The following SLC8A1 variants were observed in gnomAD, a reference collection of about 807,000 sequenced individuals.
The protein encoded by SLC8A1 is sodium/calcium exchanger 1.
SLC8A1 carries 18 observed loss-of-function variants against 68.3 expected under a neutral mutation model. The ratio of observed to expected loss-of-function variants is 0.26; its 90% CI spans 0.18 to 0.39. SLC8A1 has a LOEUF of 0.39. SLC8A1 is among the 10% of genes least tolerant of loss of function. SLC8A1 has a pLI of 1.00. For synonymous variants in SLC8A1, 475 were observed against 415.5 expected (o/e 1.14, Z -1.74); for missense variants, 985 against 1,156.7 (o/e 0.85, Z 2.15).
chr2:40,284,175 CTATAGA>C (rs1275079105), intron 2 of SLC8A1, among the ~76,000 whole-genome samples: 1 of 151,622 alleles, frequency 6.6e-6, no homozygotes. Context: ...ATATCTGTAT[CTATAGA>C]TATAGCTATC....
intron 2 of SLC8A1, among the ~76,000 whole-genome samples, chr2:40,413,185 T>A (rs185245062): frequency 6.6e-6 from 1 of 152,184 alleles, no homozygotes; most frequent in African/African-American, 2.4e-5. Context: ...ATTGTGGAAG[T>A]CGGTGTGGCG....
At chr2:40,371,126 T>G (rs147093514) in intron 2 of SLC8A1, among the ~76,000 whole-genome samples, 1 of 152,194 alleles carries the variant, frequency 6.6e-6, no homozygotes, top group Non-Finnish European at 1.5e-5. Context: ...GATTTCTTAG[T>G]ATGATATTGG....
At chr2:40,428,965 G>C (rs774087244) in exon 2 of SLC8A1, 5 of 1,613,830 alleles carry the variant, frequency 3.1e-6, no homozygotes, top group Non-Finnish European at 4.2e-6. Context: ...AACAAACACA[G>C]TGTTAGTCAA....
chr2:40,447,523 T>C (rs556047909), intron 1 of SLC8A1, among the ~76,000 whole-genome samples: 9 of 151,486 alleles, frequency 5.9e-5, no homozygotes, highest in African/African-American at 2.2e-4. Flanking sequence ...ACATTCTCTG[T>C]ATTTTCCTGT....
At chr2:40,155,562 C>G (rs1415738369) in intron 6 of SLC8A1, among the ~76,000 whole-genome samples, 1 of 152,172 alleles carries the variant, frequency 6.6e-6, no homozygotes, top group South Asian at 2.1e-4. Flanking sequence ...CCTGCTTAGA[C>G]CAGATTTCAC....
intron 2 of SLC8A1, among the ~76,000 whole-genome samples, chr2:40,354,137 T>C (rs981033544): frequency 6.6e-5 from 10 of 152,214 alleles, no homozygotes; most frequent in Admixed American, 4.6e-4. Context: ...ATATGCGCTA[T>C]ACCACTTTGC....
chr2:40,123,744 A>T (rs2148132759), intron 7 of SLC8A1, among the ~76,000 whole-genome samples: 1 of 152,336 alleles, frequency 6.6e-6, no homozygotes, highest in South Asian at 2.1e-4. Flanking sequence ...AGATTTAGTT[A>T]AGCAACATTT....
exon 2 of SLC8A1, chr2:40,429,398 C>G (rs947461864): frequency 1.2e-6 from 2 of 1,613,916 alleles, no homozygotes; most frequent in Non-Finnish European, 1.7e-6. Flanking sequence ...GAATTGACCA[C>G]TTTCCCGTCC....
At chr2:40,285,466 T>C (rs1249779793) in intron 2 of SLC8A1, among the ~76,000 whole-genome samples, 1 of 152,174 alleles carries the variant, frequency 6.6e-6, no homozygotes, top group Non-Finnish European at 1.5e-5. Flanking sequence ...CTCTCTCTCT[T>C]TCTCCCATAG....
rs535559652 is a variant in SLC8A1 at position 40,334,151 on chromosome 2, C to G, written c.1808+94322G>C. On this transcript the variant is annotated intron_variant, in intron 2 of 7. Transcript: ENST00000406785. ...ATAGAAACATAAGTGTTAGAATTAG[C>G]TAAAAGGAGCCTTAGAGACTATCCA... Among the ~76,000 whole-genome samples, 3 of 152,242 alleles carry G rather than the reference C, an allele frequency of 2.0e-5. No homozygotes were observed. In the South Asian group the frequency reaches 6.2e-4, roughly 32 times the overall value.
At chr2:40,306,695 A>C (rs1468851566) in intron 2 of SLC8A1, among the ~76,000 whole-genome samples, 1 of 152,182 alleles carries the variant, frequency 6.6e-6, no homozygotes, top group African/African-American at 2.4e-5. Context: ...TTTGGAACAC[A>C]GTTTCTTAAT....
intron 2 of SLC8A1, among the ~76,000 whole-genome samples, chr2:40,222,520 A>G (rs1258981325): frequency 4.6e-5 from 7 of 152,256 alleles, no homozygotes; most frequent in African/African-American, 1.7e-4. Flanking sequence ...GCCAAAATTG[A>G]CAAATGGGAT....
At chr2:40,257,430 T>G (rs2064095412) in intron 2 of SLC8A1, among the ~76,000 whole-genome samples, 2 of 152,148 alleles carry the variant, frequency 1.3e-5, no homozygotes, top group South Asian at 4.1e-4. Flanking sequence ...CCACCTTTTT[T>G]TTTTTTGACC....
chr2:40,420,066 T>C (rs1180755702), intron 2 of SLC8A1, among the ~76,000 whole-genome samples: 1 of 152,164 alleles, frequency 6.6e-6, no homozygotes, highest in African/African-American at 2.4e-5. Context: ...ATTTTTTGTT[T>C]GTTCTTGTCC....
At chr2:40,281,675 T>C (rs1344654297) in intron 2 of SLC8A1, among the ~76,000 whole-genome samples, 2 of 152,178 alleles carry the variant, frequency 1.3e-5, no homozygotes, top group African/African-American at 4.8e-5. Flanking sequence ...AGCTGTTAAG[T>C]CTGTGGAGCT....
intron 2 of SLC8A1, among the ~76,000 whole-genome samples, chr2:40,396,452 TA>T (rs1319943058): frequency 6.6e-6 from 1 of 152,064 alleles, no homozygotes; most frequent in African/African-American, 2.4e-5. Context: ...CATTCTATTC[TA>T]GTAGCACAGT....
intron 2 of SLC8A1, among the ~76,000 whole-genome samples, chr2:40,345,240 G>A (rs1459700420): frequency 6.6e-6 from 1 of 151,878 alleles, no homozygotes; most frequent in East Asian, 1.9e-4. Context: ...TTTCACTAGG[G>A]GCCCTGCTGC....
intron 2 of SLC8A1, among the ~76,000 whole-genome samples, chr2:40,211,194 T>C (rs1052942301): frequency 6.6e-6 from 1 of 152,252 alleles, no homozygotes; most frequent in Non-Finnish European, 1.5e-5. Flanking sequence ...TTCCTTTTAA[T>C]TATTTTACTG....
chr2:40,413,707 G>A (rs150228120), intron 2 of SLC8A1, among the ~76,000 whole-genome samples: 76 of 152,182 alleles, frequency 5.0e-4, no homozygotes, highest in Admixed American at 1.5e-3. Context: ...ACAAATTAAC[G>A]TCTTTAAGAG....
Sources: allele counts gnomAD v4.1 joint callset (sites outside exome capture counted in the v4.1 genomes callset), GRCh38; gene constraint gnomAD v4.1.1; transcripts MANE v1.5; gene names NCBI Gene and HGNC (gene_info 2026-07-23, HGNC 2026-07-21).